The following EIF3L variants were observed in gnomAD, a reference collection of about 807,000 sequenced individuals.
EIF3L encodes the protein eIEF associated protein HSPC021.
A neutral mutation model predicts 74.6 loss-of-function variants in EIF3L; 32 were observed. The ratio of observed to expected loss-of-function variants is 0.43; its 90% CI spans 0.32 to 0.58. The LOEUF (loss-of-function observed/expected upper bound fraction) is 0.58. EIF3L is among the 20% of genes least tolerant of loss of function. The pLI is 0.06. For missense variants in EIF3L, 474 were observed against 707.8 expected (o/e 0.67, Z 3.75); for synonymous variants, 256 against 254.4 (o/e 1.01, Z -0.06).
chr22:37,888,274 G>A (rs777746401), intron 12 of EIF3L, 152 bp from the exon 13 acceptor site: 9 of 706,398 alleles, frequency 1.3e-5, no homozygotes, highest in South Asian at 3.5e-5. Flanking sequence ...TGAATGTCAC[G>A]GCTTTGCACA....
intron 11 of EIF3L, chr22:37,884,969 G>T (rs1030375598): frequency 8.2e-6 from 1 of 122,154 alleles, no homozygotes; most frequent in Non-Finnish European, 1.6e-5. Flanking sequence ...CCAGGCTGGA[G>T]TGCAGTGGCA....
chr22:37,854,951 T>G (rs1178843628), intron 3 of EIF3L, among the ~76,000 whole-genome samples: 1 of 152,160 alleles, frequency 6.6e-6, no homozygotes, highest in Non-Finnish European at 1.5e-5. Flanking sequence ...TGTTCAGTGT[T>G]TTTTAGGGGA....
intron 4 of EIF3L, among the ~76,000 whole-genome samples, chr22:37,856,987 G>A (rs2145802938): frequency 6.6e-6 from 1 of 151,516 alleles, no homozygotes; most frequent in South Asian, 2.1e-4. Flanking sequence ...GTCAATTTCT[G>A]CAAAGTAGCC....
At chr22:37,851,874 G>A (rs886257645) in intron 3 of EIF3L, among the ~76,000 whole-genome samples, 2 of 152,048 alleles carry the variant, frequency 1.3e-5, no homozygotes, top group African/African-American at 4.8e-5. Context: ...CACCATGTTG[G>A]CCAGGCGTGT....
chr22:37,873,670 G>T (rs1306658201), intron 8 of EIF3L, among the ~76,000 whole-genome samples: 1 of 151,408 alleles, frequency 6.6e-6, no homozygotes, highest in Non-Finnish European at 1.5e-5. Context: ...TTAGAACAGG[G>T]TCTCTCTGTT....
Position 37,876,200 on chromosome 22 carries a change from G to A in EIF3L, c.1077+189G>A, listed in dbSNP as rs1008968733. 5.2e-6 allele frequency: 3 copies of A among 571,818 alleles called. No homozygotes were observed. The South Asian group carries it at 7.5e-5, about 14-fold the overall frequency. The allele number at this position is 571,818 out of a possible 1,614,324, so 35.4% of individuals were successfully genotyped here. On this transcript the variant is annotated intron_variant, in intron 10 of 12. Transcript: ENST00000652021. ...GCTGGAGTGCAGTGACGCAGTCACA[G>A]CTCACGTCAGCCTCAACCTCCTGGG... is the stretch of plus-strand genomic sequence containing the variant.
chr22:37,870,102 T>C lies in EIF3L; in HGVS notation c.580-74T>C, dbSNP rs930399166. On this transcript the variant is annotated intron_variant, in intron 7 of 12. Transcript: ENST00000652021. ...CATCCAGAGCCAGAGCATTGCCTCG[T>C]TTTCAGCATTGTGGACATGGATGAT... 22 of 1,388,226 alleles carry C rather than the reference T, an allele frequency of 1.6e-5. No homozygotes were observed. The African/African-American group carries it at 3.2e-4, about 20-fold the overall frequency. The allele number at this position is 1,388,226 out of a possible 1,614,324, so 86.0% of individuals were successfully genotyped here.
At chr22:37,884,039 C>G (rs1321056585) in intron 11 of EIF3L, 1 of 152,226 alleles carries the variant, frequency 6.6e-6, no homozygotes, top group Non-Finnish European at 1.5e-5. Context: ...AAAAGAAACT[C>G]CCTACCCACT....
chr22:37,855,953 G>A (rs573195173), intron 4 of EIF3L, among the ~76,000 whole-genome samples: 1 of 152,198 alleles, frequency 6.6e-6, no homozygotes, highest in South Asian at 2.1e-4. Flanking sequence ...TTTCTTAGAT[G>A]ATGTCCTTTA....
chr22:37,870,458 G>C, intron 8 of EIF3L, 111 bp downstream of exon 8: 2 of 1,119,668 alleles, frequency 1.8e-6, no homozygotes, highest in South Asian at 1.6e-5. Flanking sequence ...TGTCTTAGGT[G>C]GTGGTCTGTT....
intron 8 of EIF3L, 89 bp from the exon 9 acceptor site, chr22:37,874,281 G>A (rs1178416533): frequency 1.4e-6 from 2 of 1,393,928 alleles, no homozygotes; most frequent in Non-Finnish European, 1.9e-6. Flanking sequence ...CTGGCAGTAG[G>A]TGAGATGCCT....
At position 37,877,949 on chromosome 22, in the gene EIF3L, A is replaced by G. The variant is rs1467257237; in HGVS notation, c.1353A>G (p.Val451=). 2 of 1,612,610 alleles carry G rather than the reference A, an allele frequency of 1.2e-6. No individual in the cohort carries two copies. Among genetic ancestry groups the G allele is most frequent in the Admixed American group, 3.3e-5 (2 of 59,992 alleles). ...LQQLKVFSDE[V]QQQAQLSTIR... ...AGCTGAAGGTGTTTTCTGATGAAGT[A>G]CAGCAGCAGGCCCAGCTTTCAACCA... is the stretch of plus-strand genomic sequence containing the variant. The change falls in exon 11 of 13, where the codon GTA becomes GTG. Residue 451 remains valine, a synonymous_variant. Coordinates refer to ENST00000652021, the MANE Select transcript of EIF3L (RefSeq NM_016091.4).
At chr22:37,886,971 C>A in intron 12 of EIF3L, 126 bp downstream of exon 12, 3 of 701,316 alleles carry the variant, frequency 4.3e-6, no homozygotes, top group African/African-American at 1.8e-5. Flanking sequence ...TGCTGTCACC[C>A]ATGCTGGAGT....
intron 8 of EIF3L, among the ~76,000 whole-genome samples, chr22:37,871,705 T>C (rs1926479421): frequency 6.6e-6 from 1 of 151,692 alleles, no homozygotes; most frequent in Non-Finnish European, 1.5e-5. Context: ...TCATCTCTAC[T>C]AAAAATACAA....
chr22:37,863,063 G>T (rs1240934502), intron 6 of EIF3L, 25 bp downstream of exon 6: 1 of 1,599,718 alleles, frequency 6.3e-7, no homozygotes, highest in Non-Finnish European at 8.5e-7. Flanking sequence ...TGGCCAAGAG[G>T]GTGTGTGTGG....
intron 4 of EIF3L, among the ~76,000 whole-genome samples, chr22:37,858,218 C>CGT (rs1925642225): frequency 1.0e-5 from 1 of 97,044 alleles, no homozygotes; most frequent in African/African-American, 4.1e-5. Context: ...TTTCTTTCTT[C>CGT]CTTTTTTTTT....
intron 11 of EIF3L, chr22:37,878,849 G>A (rs575742841): frequency 6.6e-6 from 1 of 152,188 alleles, no homozygotes; most frequent in Non-Finnish European, 1.5e-5. Context: ...GGGAAGCACA[G>A]GTTGCAATGT....
intron 7 of EIF3L, among the ~76,000 whole-genome samples, chr22:37,867,963 A>G (rs1348526275): frequency 1.3e-5 from 2 of 151,428 alleles, no homozygotes; most frequent in African/African-American, 4.9e-5. Context: ...TCAAAAAAAA[A>G]AAAAAAAGAA....
At chr22:37,876,190 C>G (rs1048194325) in intron 10 of EIF3L, 179 bp downstream of exon 10, 1 of 618,946 alleles carries the variant, frequency 1.6e-6, no homozygotes, top group Non-Finnish European at 2.7e-6. Context: ...AGTGCAGTGA[C>G]GCAGTCACAG....
Sources: gnomAD v4.1 joint callset for allele counts (sites outside exome capture counted in the v4.1 genomes callset) on GRCh38, gnomAD v4.1.1 for gene constraint, MANE v1.5 for transcripts, NCBI Gene and HGNC (gene_info 2026-07-23, HGNC 2026-07-21) for gene names.